BICC1: variants seen among roughly 807,000 people sequenced by gnomAD.
BICC1 encodes protein bicaudal C homolog 1.
In BICC1, 43 loss-of-function variants were observed where a neutral mutation model predicts 111.0. That is an observed-to-expected ratio of 0.39 (90% CI 0.30 to 0.50). The LOEUF (loss-of-function observed/expected upper bound fraction) is 0.50, where lower values mean the gene tolerates loss of function less well. Among genes scored for constraint, BICC1 ranks in the 20% least tolerant of loss-of-function variants. BICC1 has a pLI of 0.88. For synonymous variants in BICC1, 467 were observed against 434.4 expected, an observed-to-expected ratio of 1.07 and a Z score of -0.93; for missense variants, 1,091 against 1,203.2, an observed-to-expected ratio of 0.91 and a Z score of 1.38.
intron 2 of BICC1, among the ~76,000 whole-genome samples, chr10:58,651,496 T>C (rs1838447318): frequency 6.6e-6 from 1 of 152,204 alleles, no homozygotes; most frequent in African/African-American, 2.4e-5. Flanking sequence ...TTGAGGGACA[T>C]GGGAGTAAAA....
At chr10:58,629,703 T>A (rs1837735853) in intron 2 of BICC1, among the ~76,000 whole-genome samples, 1 of 152,232 alleles carries the variant, frequency 6.6e-6, no homozygotes, top group African/African-American at 2.4e-5. Context: ...TCTAGGAGAT[T>A]TACAGTAATG....
intron 1 of BICC1, among the ~76,000 whole-genome samples, chr10:58,541,998 A>G (rs781073828): frequency 2.8e-4 from 42 of 151,890 alleles, no homozygotes; most frequent in Non-Finnish European, 7.4e-5. Flanking sequence ...AAAAATAACA[A>G]AAGTTATCCA....
chr10:58,546,952 G>T (rs535450704), intron 1 of BICC1, among the ~76,000 whole-genome samples: 157 of 152,172 alleles, frequency 1.0e-3, no homozygotes, highest in African/African-American at 3.7e-3. Context: ...ACCTAATGGA[G>T]GTTTCTTATT....
intron 3 of BICC1, among the ~76,000 whole-genome samples, chr10:58,737,982 A>C (rs563283087): frequency 1.2e-4 from 19 of 152,262 alleles, no homozygotes; most frequent in African/African-American, 4.6e-4. Flanking sequence ...TAGATTCTGG[A>C]TATTAGCCCT....
intron 1 of BICC1, among the ~76,000 whole-genome samples, chr10:58,526,311 C>G (rs6481404): frequency 0.49 from 74,433 of 151,700 alleles, 18,502 homozygotes; most frequent in South Asian, 0.55. Flanking sequence ...AAGGTCTAGA[C>G]TTTTGTATGT....
intron 2 of BICC1, among the ~76,000 whole-genome samples, chr10:58,628,787 G>A (rs1047531845): frequency 7.9e-5 from 12 of 152,090 alleles, no homozygotes; most frequent in African/African-American, 2.9e-4. Flanking sequence ...ATGAAGAATC[G>A]ACATTACTTG....
chr10:58,799,242 G>A lies in BICC1; in HGVS notation c.1715G>A (p.Gly572Glu), dbSNP rs758707884. 1 of 1,599,480 alleles carries A rather than the reference G, an allele frequency of 6.3e-7. No homozygotes were observed. The change falls in exon 12 of 21, where the codon GGA becomes GAA. Residue 572 changes from glycine (G) to glutamate (E), a missense_variant. Transcript: ENST00000373886. Reference sequence around the variant, plus strand: ...AAAAAAATCTCTGCTGCTTTAAATGGACATGCACAGGTAATGGCCTTCTGC... The same window carrying A: ...AAAAAAATCTCTGCTGCTTTAAATGAACATGCACAGGTAATGGCCTTCTGC... ...EGKKISAALN[G>E]HAQSPDIKYG...
rs553377546 is a variant in BICC1, at chr10:58,657,731, T to C, written c.237+36830T>C. On this transcript the variant is annotated intron_variant, in intron 2 of 20. Coordinates refer to ENST00000373886, the MANE Select transcript of BICC1 (RefSeq NM_001080512.3). ...TAACATTTCCACTTTTGAATTTGCT[T>C]TTAACTTTTTGAATTTTTGTTAACT... is the stretch of plus-strand genomic sequence containing the variant. Among the ~76,000 whole-genome samples the C allele has an allele frequency of 5.3e-5, 8 of 152,354 alleles. 1 individual carries two copies. The highest frequency in any genetic ancestry group is 1.9e-4 in the African/African-American group (8 of 41,586).
chr10:58,632,034 A>T (rs1837809221), intron 2 of BICC1, among the ~76,000 whole-genome samples: 1 of 152,086 alleles, frequency 6.6e-6, no homozygotes, highest in South Asian at 2.1e-4. Context: ...TTGAGAGGGG[A>T]AGGTATTAAC....
In BICC1 at chr10:58,786,929, C is replaced by T. The variant is rs1428175533; in HGVS notation, c.394C>T (p.Arg132Ter). The T allele has an allele frequency of 1.3e-6, 2 of 1,577,728 alleles. No homozygotes were observed. The highest frequency in any genetic ancestry group is 8.6e-7 in the Non-Finnish European group (1 of 1,167,252). Reference protein sequence around the residue: ...IMSVLDTKSNRVTLKMDVSHT... With the variant: ...IMSVLDTKSN Reference sequence around the variant, plus strand: ...ATACATTATTTTCACATAGAGCAATCGAGTCACACTGAAGATGGATGTTTC... The same window carrying T: ...ATACATTATTTTCACATAGAGCAATTGAGTCACACTGAAGATGGATGTTTC... The change falls in exon 5 of 21, where the codon CGA becomes TGA. Residue 132 changes from arginine (R) to a stop codon, truncating the protein, a stop_gained. Coordinates refer to ENST00000373886, the MANE Select transcript of BICC1 (RefSeq NM_001080512.3). LOFTEE classifies it high-confidence loss of function.
intron 2 of BICC1, among the ~76,000 whole-genome samples, chr10:58,663,885 G>A (rs1412391556): frequency 1.3e-5 from 2 of 152,106 alleles, no homozygotes; most frequent in Non-Finnish European, 2.9e-5. Flanking sequence ...TGAGGTTGTT[G>A]GGTGTGTCAG....
chr10:58,718,408 T>C (rs947550219), intron 3 of BICC1, among the ~76,000 whole-genome samples: 5 of 152,162 alleles, frequency 3.3e-5, no homozygotes, highest in Non-Finnish European at 7.4e-5. Flanking sequence ...ACTGTCAGCA[T>C]TGGGGGTAGG....
chr10:58,610,614 C>CT (rs58742721), intron 1 of BICC1, among the ~76,000 whole-genome samples: 131 of 146,076 alleles, frequency 9.0e-4, no homozygotes, highest in East Asian at 2.4e-3. Context: ...CTATCTAGCT[C>CT]TTTTTTTTTT....
At chr10:58,549,615 G>A (rs1589087510) in intron 1 of BICC1, among the ~76,000 whole-genome samples, 1 of 114,666 alleles carries the variant, frequency 8.7e-6, no homozygotes, top group East Asian at 2.7e-4. Context: ...AGTCTGTTCA[G>A]ATTTTTTTTT....
intron 3 of BICC1, among the ~76,000 whole-genome samples, chr10:58,753,461 G>T (rs1327840380): frequency 6.6e-6 from 1 of 152,048 alleles, no homozygotes; most frequent in African/African-American, 2.4e-5. Flanking sequence ...AAGCCACCAC[G>T]CCTGGTCAGT....
chr10:58,820,705 A>G (rs1357107875), intron 20 of BICC1, among the ~76,000 whole-genome samples: 1 of 152,282 alleles, frequency 6.6e-6, no homozygotes, highest in African/African-American at 2.4e-5. Context: ...AGATCTCTTC[A>G]GAAAGATCTA....
intron 2 of BICC1, among the ~76,000 whole-genome samples, chr10:58,687,306 G>A (rs2132393391): frequency 6.6e-6 from 1 of 152,310 alleles, no homozygotes; most frequent in East Asian, 1.9e-4. Flanking sequence ...TCCCAGTTAG[G>A]CTACTCAGGG....
chr10:58,720,047 A>G (rs1465396078), intron 3 of BICC1, among the ~76,000 whole-genome samples: 1 of 152,188 alleles, frequency 6.6e-6, no homozygotes, highest in African/African-American at 2.4e-5. Flanking sequence ...TTCTTTACCG[A>G]TGATGACTCC....
chr10:58,575,889 AG>A (rs1242207802), intron 1 of BICC1, among the ~76,000 whole-genome samples: 1 of 152,212 alleles, frequency 6.6e-6, no homozygotes, highest in Non-Finnish European at 1.5e-5. Flanking sequence ...AGAGCGTTAT[AG>A]CTTTGGATGA....
Sources: allele counts gnomAD v4.1 joint callset (sites outside exome capture counted in the v4.1 genomes callset), GRCh38; gene constraint gnomAD v4.1.1; transcripts MANE v1.5; gene names NCBI Gene and HGNC (gene_info 2026-07-23, HGNC 2026-07-21).